Variants in CTNNA3 observed in about 807,000 individuals in gnomAD.
CTNNA3 encodes catenin alpha 3, also known as catenin alpha-3.
Under a neutral mutation model 95.7 loss-of-function variants are expected in CTNNA3, and 76 were observed. The ratio of observed to expected loss-of-function variants is 0.79; its 90% CI spans 0.66 to 0.96. The LOEUF is 0.96. Ranked by LOEUF, CTNNA3 falls within the 40% of genes least tolerant of loss-of-function variation. CTNNA3 has a pLI of 0.00. For synonymous variants in CTNNA3, 431 were observed against 374.4 expected (o/e 1.15, Z -1.74); for missense variants, 1,191 against 1,089.8 (o/e 1.09, Z -1.31).
intron 13 of CTNNA3, among the ~76,000 whole-genome samples, chr10:66,254,173 C>T (rs7079200): frequency 0.072 from 10,968 of 152,120 alleles, 705 homozygotes; most frequent in African/African-American, 0.17. Flanking sequence ...GCATCTTGTT[C>T]GAGGAAAATT....
At chr10:65,991,806 T>C (rs780925283) in intron 15 of CTNNA3, among the ~76,000 whole-genome samples, 1 of 152,064 alleles carries the variant, frequency 6.6e-6, no homozygotes, top group Non-Finnish European at 1.5e-5. Context: ...GTTATAAAAG[T>C]GGGCATCCTC....
At chr10:65,997,860 T>C (rs1239204348) in intron 15 of CTNNA3, among the ~76,000 whole-genome samples, 1 of 152,004 alleles carries the variant, frequency 6.6e-6, no homozygotes, top group Non-Finnish European at 1.5e-5. Context: ...GTACTAAAAA[T>C]ACCAAATTAG....
chr10:66,179,225 A>T (rs2085903073), intron 13 of CTNNA3, among the ~76,000 whole-genome samples: 1 of 152,026 alleles, frequency 6.6e-6, no homozygotes, highest in Non-Finnish European at 1.5e-5. Context: ...CTTAGCAATT[A>T]AAAAAACGAA....
intron 5 of CTNNA3, among the ~76,000 whole-genome samples, chr10:67,344,362 A>AAG (rs1842335002): frequency 6.6e-6 from 1 of 151,846 alleles, no homozygotes; most frequent in Admixed American, 6.6e-5. Flanking sequence ...ACTGGCCTCA[A>AAG]AGAGAGAGTT....
chr10:67,181,199 T>A (rs1162553172), intron 6 of CTNNA3, among the ~76,000 whole-genome samples: 1 of 152,172 alleles, frequency 6.6e-6, no homozygotes, highest in Non-Finnish European at 1.5e-5. Flanking sequence ...AATTCTGAAT[T>A]TTAATTATTT....
At chr10:66,420,835 A>AAATAAATAAATTAATT (rs751801209) in intron 11 of CTNNA3, among the ~76,000 whole-genome samples, 4,361 of 92,966 alleles carry the variant, frequency 0.047, 93 homozygotes, top group Middle Eastern at 0.13. Flanking sequence ...ATAAATAAAT[A>AAATAAATAAATTAATT]AATAAAAAAC....
At chr10:67,683,799 G>A (rs76166632) in intron 1 of CTNNA3, among the ~76,000 whole-genome samples, 6,513 of 152,002 alleles carry the variant, frequency 0.043, 466 homozygotes, top group African/African-American at 0.15. Context: ...GTGGGTTCAC[G>A]GTCTTGCTGA....
intron 5 of CTNNA3, among the ~76,000 whole-genome samples, chr10:67,448,996 C>G (rs769165073): frequency 1.8e-4 from 28 of 151,706 alleles, no homozygotes; most frequent in Non-Finnish European, 3.1e-4. Context: ...TTTCAGGATA[C>G]AAAACCAATA....
At position 66,247,439 on chromosome 10, in the gene CTNNA3, G is replaced by T. The variant is rs114903880; in HGVS notation, c.1884+33031C>A. 5.7e-3 allele frequency among the ~76,000 whole-genome samples: 863 copies of T among 152,222 alleles called. 13 individuals carry two copies. The highest frequency in any genetic ancestry group is 0.019 in the African/African-American group (808 of 41,530). Reference sequence around the variant, plus strand: ...TAGGATTAGAAAGTTAATTCAAAAGGATAATTTCAGAGAACTTCCAAAATC... The same window carrying T: ...TAGGATTAGAAAGTTAATTCAAAAGTATAATTTCAGAGAACTTCCAAAATC... On this transcript the variant is annotated intron_variant, in intron 13 of 17. Coordinates refer to ENST00000433211, the MANE Select transcript of CTNNA3 (RefSeq NM_013266.4).
At chr10:66,442,091 A>G (rs1051768106) in intron 11 of CTNNA3, among the ~76,000 whole-genome samples, 6 of 152,170 alleles carry the variant, frequency 3.9e-5, no homozygotes, top group African/African-American at 1.2e-4. Context: ...CTGCTTCTGT[A>G]TTGAACACGT....
chr10:67,143,974 G>A (rs149546623), intron 7 of CTNNA3, among the ~76,000 whole-genome samples: 4 of 152,296 alleles, frequency 2.6e-5, no homozygotes, highest in East Asian at 3.9e-4. Context: ...CATCTACAGC[G>A]AGTATCGCCT....
At chr10:67,616,217 G>C (rs563577174) in intron 2 of CTNNA3, among the ~76,000 whole-genome samples, 25 of 152,268 alleles carry the variant, frequency 1.6e-4, no homozygotes, top group Admixed American at 7.2e-4. Flanking sequence ...CTGGTATGGA[G>C]GCACCAAATT....
At chr10:66,525,288 C>T (rs748581740) in intron 10 of CTNNA3, among the ~76,000 whole-genome samples, 6 of 151,880 alleles carry the variant, frequency 4.0e-5, no homozygotes, top group African/African-American at 9.7e-5. Context: ...ATGCTAATAA[C>T]GATAATAATA....
At chr10:66,606,963 A>C (rs1382194662) in intron 10 of CTNNA3, among the ~76,000 whole-genome samples, 2 of 152,154 alleles carry the variant, frequency 1.3e-5, no homozygotes, top group Non-Finnish European at 2.9e-5. Context: ...GACACCAAAA[A>C]GCATTCGAAA....
intron 7 of CTNNA3, among the ~76,000 whole-genome samples, chr10:67,171,041 C>G (rs1861995607): frequency 6.6e-6 from 1 of 152,150 alleles, no homozygotes; most frequent in Non-Finnish European, 1.5e-5. Context: ...TTCACCTGTT[C>G]CTTTTACTGT....
intron 10 of CTNNA3, among the ~76,000 whole-genome samples, chr10:66,610,838 T>C (rs1219393497): frequency 6.6e-6 from 1 of 152,132 alleles, no homozygotes; most frequent in Non-Finnish European, 1.5e-5. Context: ...CCATGTTTAT[T>C]GCAGCACTGT....
chr10:66,310,679 T>C (rs1272489732), intron 12 of CTNNA3, among the ~76,000 whole-genome samples: 1 of 148,534 alleles, frequency 6.7e-6, no homozygotes, highest in Non-Finnish European at 1.5e-5. Flanking sequence ...TATTTGTTTA[T>C]ACATAACTTT....
intron 17 of CTNNA3, among the ~76,000 whole-genome samples, chr10:65,963,665 C>T (rs1203956668): frequency 6.6e-6 from 1 of 152,140 alleles, no homozygotes; most frequent in African/African-American, 2.4e-5. Flanking sequence ...ATCATATAAT[C>T]ATCTTTACAT....
At chr10:66,358,512 T>C (rs2092628597) in intron 12 of CTNNA3, among the ~76,000 whole-genome samples, 1 of 152,162 alleles carries the variant, frequency 6.6e-6, no homozygotes, top group Non-Finnish European at 1.5e-5. Flanking sequence ...TAGGGAAAGG[T>C]ATACTTACTC....
Sources: gnomAD v4.1 joint callset for allele counts (sites outside exome capture counted in the v4.1 genomes callset) on GRCh38, gnomAD v4.1.1 for gene constraint, MANE v1.5 for transcripts, NCBI Gene and HGNC (gene_info 2026-07-23, HGNC 2026-07-21) for gene names.